DOK7: variants seen among roughly 807,000 people sequenced by gnomAD.
DOK7 encodes docking protein 7.
In DOK7, 32 loss-of-function variants were observed where a neutral mutation model predicts 30.7. The observed-to-expected ratio is 1.04, with a 90% CI of 0.79 to 1.40. The LOEUF is 1.40. Among genes scored for constraint, DOK7 ranks in the 40% most tolerant of loss-of-function variants. DOK7 has a pLI of 0.00. For synonymous variants in DOK7, 447 were observed against 324.1 expected (o/e 1.38, Z -4.07); for missense variants, 1,007 against 699.2 (o/e 1.44, Z -4.97).
At chr4:3,476,689 C>T (rs938066467) in intron 4 of DOK7, 147 bp downstream of exon 4, 20 of 1,048,000 alleles carry the variant, frequency 1.9e-5, no homozygotes, top group Non-Finnish European at 2.0e-5. Context: ...AGTCTCCCCA[C>T]GCTCGATGTC....
intron 2 of DOK7, among the ~76,000 whole-genome samples, chr4:3,465,877 G>C (rs917492666): frequency 6.6e-6 from 1 of 152,214 alleles, no homozygotes; most frequent in Non-Finnish European, 1.5e-5. Flanking sequence ...ACTCACTGCT[G>C]GTGGCCCTGC....
At chr4:3,477,539 G>A (rs796512275) in intron 4 of DOK7, among the ~76,000 whole-genome samples, 73 of 152,392 alleles carry the variant, frequency 4.8e-4, no homozygotes, top group African/African-American at 1.7e-3. Context: ...TGCGCTGGGC[G>A]CTGGGAGCAA....
At chr4:3,488,258 C>G (rs1727945207) in intron 5 of DOK7, among the ~76,000 whole-genome samples, 1 of 152,206 alleles carries the variant, frequency 6.6e-6, no homozygotes, top group Non-Finnish European at 1.5e-5. Flanking sequence ...TCCTCCAGGC[C>G]CTTCTTGTGT....
chr4:3,482,647 A>G (rs1727501393), intron 4 of DOK7, among the ~76,000 whole-genome samples: 1 of 152,198 alleles, frequency 6.6e-6, no homozygotes, highest in African/African-American at 2.4e-5. Context: ...TGCTGCAGTC[A>G]CACCTGTGTG....
At chr4:3,478,839 G>C (rs1299109772) in intron 4 of DOK7, among the ~76,000 whole-genome samples, 1 of 152,162 alleles carries the variant, frequency 6.6e-6, no homozygotes, top group Admixed American at 6.5e-5. Context: ...GGGTGGTTTA[G>C]GCTGGGTCTT....
intron 5 of DOK7, among the ~76,000 whole-genome samples, chr4:3,489,018 C>T (rs1480783891): frequency 6.6e-6 from 1 of 152,194 alleles, no homozygotes; most frequent in Non-Finnish European, 1.5e-5. Context: ...GAGGTCCCAC[C>T]CTGCCTGGGC....
downstream of DOK7, among the ~76,000 whole-genome samples, chr4:3,498,502 G>A (rs926980503): frequency 1.7e-4 from 26 of 152,188 alleles, no homozygotes; most frequent in Admixed American, 1.4e-3. Context: ...AGGCTGCAGG[G>A]GGGTGTCCAG....
intron 4 of DOK7, among the ~76,000 whole-genome samples, chr4:3,478,348 T>C (rs919869140): frequency 6.6e-6 from 1 of 152,228 alleles, no homozygotes; most frequent in Non-Finnish European, 1.5e-5. Flanking sequence ...ATCCCACACC[T>C]GGGGCTGTGC....
At chr4:3,498,058 C>T (rs75696547), downstream of DOK7, among the ~76,000 whole-genome samples, 26,613 of 152,046 alleles carry the variant, frequency 0.18, 2,578 homozygotes, top group South Asian at 0.31. Context: ...TCAGGAGGGG[C>T]GCCTGGGGTC....
intron 3 of DOK7, among the ~76,000 whole-genome samples, chr4:3,475,588 G>T (rs796207788): frequency 4.7e-4 from 72 of 152,306 alleles, no homozygotes; most frequent in African/African-American, 1.7e-3. Flanking sequence ...GACCATGGGG[G>T]TGCTCAGGGT....
intron 6 of DOK7, among the ~76,000 whole-genome samples, chr4:3,491,606 T>G (rs1006217892): frequency 2.0e-5 from 3 of 151,710 alleles, no homozygotes; most frequent in African/African-American, 7.3e-5. Context: ...TGGTCTGAGG[T>G]GCTGACGGGA....
In DOK7 at chr4:3,492,640, C is replaced by T. The variant is rs560074829; in HGVS notation, c.773-119C>T. 160 of 1,420,268 alleles carry T rather than the reference C, an allele frequency of 1.1e-4. 2 individuals are homozygous for T. In the South Asian group the frequency reaches 1.8e-3, roughly 16 times the overall value. The allele number at this position is 1,420,268 out of a possible 1,614,324, so 88.0% of individuals were successfully genotyped here. On this transcript the variant is annotated intron_variant, in intron 6 of 6. Coordinates refer to ENST00000340083, the MANE Select transcript of DOK7 (RefSeq NM_173660.5). Reference sequence around the variant, plus strand: ...TGCTGTAGGCCCCGGGGCTTGGGGGCTGGAAGGGGTGGGGCGAGACCAGAG... The same window carrying T: ...TGCTGTAGGCCCCGGGGCTTGGGGGTTGGAAGGGGTGGGGCGAGACCAGAG...
chr4:3,497,684 G>A (rs1045767569), downstream of DOK7, among the ~76,000 whole-genome samples: 1 of 151,980 alleles, frequency 6.6e-6, no homozygotes, highest in Admixed American at 6.5e-5. Context: ...AGGCAGGCCT[G>A]GAGAGGACAC....
At chr4:3,479,833 T>G (rs1727330614) in intron 4 of DOK7, among the ~76,000 whole-genome samples, 1 of 152,050 alleles carries the variant, frequency 6.6e-6, no homozygotes, top group South Asian at 2.1e-4. Flanking sequence ...AACCCCCGGG[T>G]CCCCAGTGTG....
chr4:3,497,385 C>T (rs1268053389), downstream of DOK7, among the ~76,000 whole-genome samples: 1 of 151,674 alleles, frequency 6.6e-6, no homozygotes, highest in Non-Finnish European at 1.5e-5. Context: ...CTGGCAGGTG[C>T]AGTTTTGGGG....
chr4:3,468,089 C>T (rs1251301095), intron 2 of DOK7, among the ~76,000 whole-genome samples: 1 of 152,184 alleles, frequency 6.6e-6, no homozygotes, highest in Non-Finnish European at 1.5e-5. Context: ...AGCATGAGTG[C>T]AAGTGCATGA....
chr4:3,467,001 C>T (rs1019767768), intron 2 of DOK7, among the ~76,000 whole-genome samples: 9 of 152,292 alleles, frequency 5.9e-5, no homozygotes, highest in African/African-American at 1.7e-4. Context: ...CCGGCCTGGT[C>T]GATGGCCGCC....
In DOK7 at chr4:3,463,387, G is replaced by A. The variant is rs1202693776; in HGVS notation, c.12G>A (p.Ala4=). The change falls in exon 1 of 7, where the codon GCG becomes GCA. Residue 4 remains alanine, a synonymous_variant. Coordinates refer to ENST00000340083, the MANE Select transcript of DOK7 (RefSeq NM_173660.5). The part of the protein sequence containing the change: MTE[A]ALVEGQVKLR... ...AACCATGACAGAAGATGACCGAGGC[G>A]GCGCTGGTGGAGGGCCAGGTCAAGC... 4.7e-6 allele frequency: 7 copies of A among 1,496,204 alleles called. No homozygotes were observed. In the East Asian group the frequency reaches 1.3e-4, roughly 28 times the overall value. 92.7% of individuals were successfully genotyped at this position (1,496,204 alleles called of 1,614,324 possible). A position where few individuals can be genotyped will look rare whatever the true frequency, so the allele number is the denominator to read the frequency against.
chr4:3,490,446 C>T (rs1025972760), intron 6 of DOK7, among the ~76,000 whole-genome samples: 1 of 81,020 alleles, frequency 1.2e-5, no homozygotes, highest in Non-Finnish European at 2.6e-5. Context: ...CTTCATTTCT[C>T]TCCTGCTCAT....
Sources: gnomAD v4.1 joint callset for allele counts (sites outside exome capture counted in the v4.1 genomes callset) on GRCh38, gnomAD v4.1.1 for gene constraint, MANE v1.5 for transcripts, NCBI Gene and HGNC (gene_info 2026-07-23, HGNC 2026-07-21) for gene names.